MZT2A: variants seen among roughly 807,000 people sequenced by gnomAD.
MZT2A encodes the protein mitotic-spindle organizing protein 2A.
In MZT2A, 8 loss-of-function variants were observed where a neutral mutation model predicts 12.4. That is an observed-to-expected ratio of 0.64 (90% CI 0.38 to 1.16). The LOEUF (loss-of-function observed/expected upper bound fraction) is 1.16. Ranked by LOEUF, MZT2A falls within the 50% of genes most tolerant of loss-of-function variation. The probability of loss-of-function intolerance (pLI) is 0.01; values close to 1 mark genes in which losing one functional copy is unlikely to be tolerated. For synonymous variants in MZT2A, 88 were observed against 107.5 expected (o/e 0.82, Z 1.12); for missense variants, 181 against 223.6 (o/e 0.81, Z 1.22).
At chr2:131,491,538 G>A in intron 2 of MZT2A, 2 of 467,822 alleles carry the variant, frequency 4.3e-6, no homozygotes, top group Non-Finnish European at 7.7e-6. Context: ...AAGATTATAG[G>A]CGTGAGCCAC....
At chr2:131,479,999 G>A, downstream of MZT2A, 1 of 1,514,944 alleles carries the variant, frequency 6.6e-7, no homozygotes, top group Non-Finnish European at 8.8e-7. Flanking sequence ...AAGAGAAGCG[G>A]CCCTGGCTTG....
At chr2:131,490,763 C>G (rs59539470) in intron 2 of MZT2A, 156,971 of 1,549,632 alleles carry the variant, frequency 0.1, 12,475 homozygotes, top group African/African-American at 0.42. Context: ...ACCCGGGGGG[C>G]CTGGAGAGAG....
chr2:131,492,868 G>A, upstream of MZT2A: 2 of 1,496,722 alleles, frequency 1.3e-6, no homozygotes, highest in Non-Finnish European at 9.0e-7. Context: ...CCCTACCTTG[G>A]GGCGCCAGAG....
At chr2:131,480,349 T>G, downstream of MZT2A, 2 of 1,611,218 alleles carry the variant, frequency 1.2e-6, no homozygotes. Flanking sequence ...AACCTGGACA[T>G]TGAACGTCCC....
At chr2:131,484,760 C>T (rs1318790029) in intron 2 of MZT2A, among the ~76,000 whole-genome samples, 6 of 152,174 alleles carry the variant, frequency 3.9e-5, no homozygotes, top group South Asian at 2.1e-4. Flanking sequence ...CCTACCTACC[C>T]GAGTGTTCTG....
chr2:131,493,134 C>T, upstream of MZT2A: 1 of 1,467,732 alleles, frequency 6.8e-7, no homozygotes, highest in Non-Finnish European at 9.0e-7. Flanking sequence ...CGCTATGGGT[C>T]CCACAGGTGA....
At chr2:131,478,123 C>T in intron 2 of MZT2A, 4 of 1,592,350 alleles carry the variant, frequency 2.5e-6, no homozygotes, top group Non-Finnish European at 3.4e-6. Context: ...TTTCAAGTTG[C>T]CTTGAAATGA....
At chr2:131,492,947 C>T (rs546996399), upstream of MZT2A, 47 of 1,525,254 alleles carry the variant, frequency 3.1e-5, no homozygotes, top group Middle Eastern at 3.6e-4. Flanking sequence ...TCGCCATTTC[C>T]CCTCCCTGGC....
At chr2:131,484,435 G>C (rs1381137594) in intron 2 of MZT2A, among the ~76,000 whole-genome samples, 4 of 152,250 alleles carry the variant, frequency 2.6e-5, no homozygotes, top group Non-Finnish European at 5.9e-5. Context: ...GACCCTTTAG[G>C]ATGTGTCCTA....
intron 2 of MZT2A, among the ~76,000 whole-genome samples, chr2:131,476,666 G>C (rs1356822588): frequency 6.6e-6 from 1 of 152,168 alleles, no homozygotes; most frequent in Non-Finnish European, 1.5e-5. Context: ...AGGCGCGGCG[G>C]CTCACGCCTG....
chr2:131,472,912 T>TTCCCC (rs1481638447), intron 2 of MZT2A, among the ~76,000 whole-genome samples: 2 of 149,318 alleles, frequency 1.3e-5, no homozygotes, highest in African/African-American at 2.5e-5. Context: ...CTGAATGGTG[T>TTCCCC]CCCCCCCCAC....
At chr2:131,473,585 C>A (rs1417282672) in intron 2 of MZT2A, among the ~76,000 whole-genome samples, 1 of 148,964 alleles carries the variant, frequency 6.7e-6, no homozygotes, top group African/African-American at 2.6e-5. Context: ...GAACTGAATA[C>A]ACACTAAGAT....
intron 2 of MZT2A, among the ~76,000 whole-genome samples, chr2:131,473,283 G>A (rs371222813): frequency 1.3e-5 from 2 of 152,034 alleles, no homozygotes; most frequent in South Asian, 4.1e-4. Flanking sequence ...TGATTTTCCC[G>A]GCTGTCTGCA....
chr2:131,484,320 C>G, intron 2 of MZT2A, 102 bp from the exon 3 acceptor site: 1 of 1,522,252 alleles, frequency 6.6e-7, no homozygotes, highest in Non-Finnish European at 8.9e-7. Context: ...CTACACATTT[C>G]CATCAAAGTC....
At chr2:131,490,634 T>C in intron 2 of MZT2A, 1 of 1,548,972 alleles carries the variant, frequency 6.5e-7, no homozygotes, top group South Asian at 1.2e-5. Flanking sequence ...TCAAAGCTGC[T>C]TGGGCCTCTT....
chr2:131,476,212 G>T (rs7561684), intron 2 of MZT2A: 1 of 1,612,032 alleles, frequency 6.2e-7, no homozygotes, highest in African/African-American at 1.3e-5. Context: ...GGTAAGGCCC[G>T]GGTCACTCCC....
upstream of MZT2A, chr2:131,492,789 GT>G (rs1213805712): frequency 5.2e-4 from 696 of 1,344,772 alleles, 4 homozygotes; most frequent in African/African-American, 9.6e-3. Flanking sequence ...TTCGGGGGGG[GT>G]GGGGGGCACT....
At chr2:131,476,124 G>A in intron 2 of MZT2A, 1 of 1,611,092 alleles carries the variant, frequency 6.2e-7, no homozygotes, top group South Asian at 1.1e-5. Context: ...GCAGGAGGTT[G>A]CAGTTGGGCG....
downstream of MZT2A, among the ~76,000 whole-genome samples, chr2:131,483,166 G>C (rs1407621142): frequency 1.3e-5 from 2 of 152,166 alleles, no homozygotes; most frequent in African/African-American, 4.8e-5. Context: ...AGCAGAGTCA[G>C]GGTTTTCAAC....
Sources: allele counts gnomAD v4.1 joint callset (sites outside exome capture counted in the v4.1 genomes callset), GRCh38; gene constraint gnomAD v4.1.1; transcripts MANE v1.5; gene names NCBI Gene and HGNC (gene_info 2026-07-23, HGNC 2026-07-21).